The following IRS2 variants were observed in gnomAD, a reference collection of about 807,000 sequenced individuals.
IRS2 encodes insulin receptor substrate 2.
Under a neutral mutation model 70.9 loss-of-function variants are expected in IRS2, and 28 were observed. The observed-to-expected ratio is 0.39, with a 90% CI of 0.29 to 0.54. The LOEUF is 0.54. IRS2 is among the 20% of genes least tolerant of loss of function. The pLI is 0.59. For synonymous variants in IRS2, 1,217 were observed against 981.9 expected, an observed-to-expected ratio of 1.24 and a Z score of -4.48; for missense variants, 2,081 against 2,024.1, an observed-to-expected ratio of 1.03 and a Z score of -0.54.
At chr13:109,772,853 A>C (rs906112585) in intron 1 of IRS2, among the ~76,000 whole-genome samples, 1 of 151,324 alleles carries the variant, frequency 6.6e-6, no homozygotes, top group Non-Finnish European at 1.5e-5. Flanking sequence ...CCGCCACCGC[A>C]CCCGGCTAAT....
chr13:109,754,510 A>C lies in IRS2; in HGVS notation c.*1794T>G, dbSNP rs567321084. On this transcript the variant is annotated 3_prime_UTR_variant, in exon 2 of 2. Coordinates refer to ENST00000375856, the MANE Select transcript of IRS2 (RefSeq NM_003749.3). The stretch of plus-strand genomic sequence containing the variant: ...TGATGCCTATTCCCAAAACTAAATA[A>C]AAACTTCAGGATTTTTATACATCTT... 4.2e-5 allele frequency: 4 copies of C among 95,472 alleles called. No homozygotes were observed. The highest frequency in any genetic ancestry group is 3.5e-4 in the African/African-American group (4 of 11,434). The allele number at this position is 95,472 out of a possible 1,614,324, so 5.9% of individuals were successfully genotyped here.
At chr13:109,763,358 G>A (rs1877268065) in intron 1 of IRS2, among the ~76,000 whole-genome samples, 1 of 152,184 alleles carries the variant, frequency 6.6e-6, no homozygotes, top group South Asian at 2.1e-4. Context: ...CTGAAAAAGA[G>A]GACACACATC....
In IRS2 at chr13:109,767,728, C is replaced by CTTTTTTT. The variant is rs748211544; in HGVS notation, c.4013-11427_4013-11421dup. On this transcript the variant is annotated intron_variant, in intron 1 of 1. Coordinates refer to ENST00000375856, the MANE Select transcript of IRS2 (RefSeq NM_003749.3). ...TGGAAAATCAGCTCGACCATTTTTCCTTTTTTTTTTTTTTTTTTTTTTGAG... is the reference window on the plus strand; with the variant it reads ...TGGAAAATCAGCTCGACCATTTTTCCTTTTTTTTTTTTTTTTTTTTTTTTTTTTTGAG... Among the ~76,000 whole-genome samples, 9 of 119,780 alleles carry CTTTTTTT rather than the reference C, an allele frequency of 7.5e-5. 1 individual carries two copies. Among genetic ancestry groups the CTTTTTTT allele is most frequent in the Admixed American group, 1.7e-4 (2 of 11,640 alleles). 78.6% of individuals were successfully genotyped at this position (119,780 alleles called of 152,430 possible).
chr13:109,776,866 T>G (rs1877590842), intron 1 of IRS2, among the ~76,000 whole-genome samples: 1 of 152,200 alleles, frequency 6.6e-6, no homozygotes, highest in Non-Finnish European at 1.5e-5. Flanking sequence ...CCACTCAAAC[T>G]AAATATAGAA....
chr13:109,782,009 C>T, intron 1 of IRS2, 33 bp downstream of exon 1: 3 of 1,608,224 alleles, frequency 1.9e-6, no homozygotes, highest in Admixed American at 3.4e-5. Context: ...GCCCCTCCTT[C>T]CCGCCAGACG....
rs147329778 is a variant in IRS2 at position 109,768,907 on chromosome 13, G to C, written c.4013-12599C>G. ...CTCAGATTTTCCATTAAAAAACAGGGATAACAACAAGATCCAACCCTACGC... is the reference window on the plus strand; with the variant it reads ...CTCAGATTTTCCATTAAAAAACAGGCATAACAACAAGATCCAACCCTACGC... On this transcript the variant is annotated intron_variant, in intron 1 of 1. Transcript: ENST00000375856. Among the ~76,000 whole-genome samples, 11 of 152,234 alleles carry C rather than the reference G, an allele frequency of 7.2e-5. 1 individual carries two copies. The East Asian group carries it at 2.1e-3, about 29-fold the overall frequency.
chr13:109,781,575 C>T (rs1877699975), intron 1 of IRS2, among the ~76,000 whole-genome samples: 1 of 152,212 alleles, frequency 6.6e-6, no homozygotes, highest in Admixed American at 6.5e-5. Context: ...TCAAGCTCAC[C>T]AAGAATCAGG....
intron 1 of IRS2, among the ~76,000 whole-genome samples, chr13:109,778,420 CG>C (rs1212663869): frequency 1.3e-5 from 2 of 152,144 alleles, no homozygotes; most frequent in Non-Finnish European, 2.9e-5. Context: ...TCACGAAAGC[CG>C]GTGTGTGTTT....
rs1379867951 is a variant in IRS2 at position 109,773,133 on chromosome 13, A to G, written c.4012+8909T>C. Among the ~76,000 whole-genome samples, 7 of 152,116 alleles carry G rather than the reference A, an allele frequency of 4.6e-5. No individual in the cohort carries two copies. The East Asian group carries it at 7.7e-4, about 17-fold the overall frequency. Reference sequence around the variant, plus strand: ...CTTCTGTGAAATTAAATTTGTATGAAAACTATTTATCTTCATATAAAAATC... The same window carrying G: ...CTTCTGTGAAATTAAATTTGTATGAGAACTATTTATCTTCATATAAAAATC... On this transcript the variant is annotated intron_variant, in intron 1 of 1. Transcript: ENST00000375856.
rs749090577 is a variant in IRS2, at chr13:109,783,693, G to T, written c.2361C>A (p.Ala787=). 1 of 1,563,532 alleles carries T rather than the reference G, an allele frequency of 6.4e-7. No homozygotes were observed. Among genetic ancestry groups the T allele is most frequent in the Middle Eastern group, 1.7e-4 (1 of 5,990 alleles). Residue 787 remains alanine, a synonymous_variant, in exon 1 of 2, where the codon GCC becomes GCA. Coordinates refer to ENST00000375856, the MANE Select transcript of IRS2 (RefSeq NM_003749.3). ...TGTPPDFFSA[A]LHPGGEPLRG... ...TGAGCGGCTCCCCGCCGGGGTGCAGGGCTGCGGAGAAGAAGTCGGGCGGGG... is the reference window on the plus strand; with the variant it reads ...TGAGCGGCTCCCCGCCGGGGTGCAGTGCTGCGGAGAAGAAGTCGGGCGGGG...
chr13:109,756,331 T>C (rs759993341), intron 1 of IRS2, 23 bp from the exon 2 acceptor site: 14 of 1,610,784 alleles, frequency 8.7e-6, no homozygotes, highest in East Asian at 4.5e-5. Flanking sequence ...GGAGGGAAGT[T>C]AGCAGAGACC....
In IRS2 at chr13:109,786,133, G is replaced by C. The variant is rs1877918504; in HGVS notation, c.-80C>G. 7.3e-6 allele frequency: 6 copies of C among 816,958 alleles called. No homozygotes were observed. The highest frequency in any genetic ancestry group is 6.4e-5 in the Admixed American group (1 of 15,596). The allele number at this position is 816,958 out of a possible 1,614,324, so 50.6% of individuals were successfully genotyped here. A position where few individuals can be genotyped will look rare whatever the true frequency, so the allele number is the denominator to read the frequency against. On this transcript the variant is annotated 5_prime_UTR_variant, in exon 1 of 2. Coordinates refer to ENST00000375856, the MANE Select transcript of IRS2 (RefSeq NM_003749.3). The surrounding 1 kb of genome is among the most constrained non-coding windows in gnomAD (Gnocchi z 4.4). ...GGGCGGAGGGGGCGCGGGCGGGGGC[G>C]GCTCCCTCCCACCCTTGCGCCCGGC... is the stretch of plus-strand genomic sequence containing the variant.
In IRS2 at chr13:109,782,391, G is replaced by C. The variant is rs976347854; in HGVS notation, c.3663C>G (p.Thr1221=). The change falls in exon 1 of 2, where the codon ACC becomes ACG. Residue 1221 remains threonine, a synonymous_variant. Transcript: ENST00000375856. Reference sequence around the variant, plus strand: ...CGACCAAGCCCCCGGGCTGACCCGGGGTCCACGGCCGGCCCTGCGGTGCCA... The same window carrying C: ...CGACCAAGCCCCCGGGCTGACCCGGCGTCCACGGCCGGCCCTGCGGTGCCA... ...PPLAPQGRPW[T]PGQPGGLVGC... is the part of the protein sequence containing the mutation. The C allele has an allele frequency of 1.9e-6, 3 of 1,609,648 alleles. No homozygotes were observed. The highest frequency in any genetic ancestry group is 2.5e-6 in the Non-Finnish European group (3 of 1,178,534).
chr13:109,768,767 G>A (rs1176655947), intron 1 of IRS2, among the ~76,000 whole-genome samples: 1 of 152,026 alleles, frequency 6.6e-6, no homozygotes, highest in African/African-American at 2.4e-5. Flanking sequence ...GAATCAGGCA[G>A]GAGCCAGGCT....
intron 1 of IRS2, among the ~76,000 whole-genome samples, chr13:109,775,641 G>A (rs11841502): frequency 0.33 from 50,262 of 151,754 alleles, 8,459 homozygotes; most frequent in Middle Eastern, 0.48. Context: ...CTATGCTTAA[G>A]TTATAAAGTT....
At chr13:109,777,979 C>G (rs929760332) in intron 1 of IRS2, among the ~76,000 whole-genome samples, 1 of 152,242 alleles carries the variant, frequency 6.6e-6, no homozygotes, top group Non-Finnish European at 1.5e-5. Flanking sequence ...TTTTAAGGTG[C>G]TGGCTCCATT....
chr13:109,782,614 T>TGGC lies in IRS2; in HGVS notation c.3437_3439dup (p.Arg1146dup). ...GGTGGAGGAGAAGGTCTCGGAACTG[T>TGGC]GGCGGCGGCGGCCCCCCTGCGGGTC... On this transcript the variant is annotated inframe_insertion, in exon 1 of 2. Transcript: ENST00000375856. 6.3e-7 allele frequency: 1 copy of TGGC among 1,576,222 alleles called. No individual in the cohort carries two copies. Among genetic ancestry groups the TGGC allele is most frequent in the Non-Finnish European group, 8.6e-7 (1 of 1,162,684 alleles).
rs763466103 is a variant in IRS2 at position 109,782,835 on chromosome 13, G to C, written c.3219C>G (p.Thr1073=). The change falls in exon 1 of 2, where the codon ACC becomes ACG. Residue 1073 remains threonine (T), a synonymous_variant. Coordinates refer to ENST00000375856, the MANE Select transcript of IRS2 (RefSeq NM_003749.3). ...SSDTGDNGDY[T]EMAFGVAATP... is the part of the protein sequence containing the mutation. ...TGGCGGCCACACCAAAAGCCATCTC[G>C]GTGTAGTCACCATTGTCCCCGGTGT... The C allele has an allele frequency of 1.3e-6, 2 of 1,587,842 alleles. No individual in the cohort carries two copies. Among genetic ancestry groups the C allele is most frequent in the East Asian group, 4.6e-5 (2 of 43,750 alleles).
At position 109,785,264 on chromosome 13, in the gene IRS2, C is replaced by T. The variant is rs1877882868; in HGVS notation, c.790G>A (p.Val264Ile). 6.2e-7 allele frequency: 1 copy of T among 1,606,802 alleles called. No homozygotes were observed. Among genetic ancestry groups the T allele is most frequent in the Non-Finnish European group, 8.5e-7 (1 of 1,177,454 alleles). Reference protein sequence around the residue: ...FFFIEVGRSAVTGPGELWMQA... With the variant: ...FFFIEVGRSAITGPGELWMQA... ...ATCCACAGCTCGCCGGGGCCTGTGACGGCCGAGCGGCCCACCTCGATGAAG... is the reference window on the plus strand; with the variant it reads ...ATCCACAGCTCGCCGGGGCCTGTGATGGCCGAGCGGCCCACCTCGATGAAG... Residue 264 changes from valine (V) to isoleucine (I), a missense_variant, in exon 1 of 2, where the codon GTC becomes ATC. Physicochemically the swap from Val to Ile is conservative, Grantham distance 29. This residue lies in a region of IRS2 where 35 missense variants were observed against 78.6 expected (regional missense o/e 0.45). Coordinates refer to ENST00000375856, the MANE Select transcript of IRS2 (RefSeq NM_003749.3). This position sits in a 1 kb window ranked among gnomAD's most constrained non-coding sequence, Gnocchi z 9.3.
Sources: gnomAD v4.1 joint callset for allele counts (sites outside exome capture counted in the v4.1 genomes callset) on GRCh38, gnomAD v4.1.1 for gene constraint, gnomAD v4.1.1 regional missense constraint, Gnocchi (gnomAD v3.1) non-coding constraint, MANE v1.5 for transcripts, NCBI Gene and HGNC (gene_info 2026-07-23, HGNC 2026-07-21) for gene names.